The following ADCY2 variants were observed in gnomAD, a reference collection of about 807,000 sequenced individuals.
ADCY2 encodes the protein adenylate cyclase 2, also known as adenylate cyclase type 2.
In ADCY2, 31 loss-of-function variants were observed where a neutral mutation model predicts 125.2. That is an observed-to-expected ratio of 0.25 (90% CI 0.19 to 0.33). ADCY2 has a LOEUF of 0.33. Among genes scored for constraint, ADCY2 ranks in the 10% least tolerant of loss-of-function variants. The pLI is 1.00. For synonymous variants in ADCY2, 512 were observed against 548.4 expected (o/e 0.93, Z 0.93); for missense variants, 904 against 1,418.2 (o/e 0.64, Z 5.82).
At chr5:7,692,683 C>T (rs1276158590) in intron 5 of ADCY2, among the ~76,000 whole-genome samples, 2 of 152,176 alleles carry the variant, frequency 1.3e-5, no homozygotes, top group East Asian at 1.9e-4. Flanking sequence ...TCACGTGTAC[C>T]TGACCCCTTG....
chr5:7,441,069 AG>A (rs1392182908), intron 2 of ADCY2, among the ~76,000 whole-genome samples: 1 of 152,180 alleles, frequency 6.6e-6, no homozygotes, highest in Non-Finnish European at 1.5e-5. Context: ...CAGGGTGTAG[AG>A]GGCAGGACGG....
intron 2 of ADCY2, among the ~76,000 whole-genome samples, chr5:7,517,230 G>C (rs1015274545): frequency 5.9e-5 from 9 of 152,110 alleles, no homozygotes; most frequent in African/African-American, 2.2e-4. Context: ...TGGGGTTTCT[G>C]CAGAGGATCA....
intron 24 of ADCY2, among the ~76,000 whole-genome samples, chr5:7,826,192 T>A (rs191261): frequency 5.3e-5 from 8 of 151,914 alleles, no homozygotes; most frequent in Non-Finnish European, 1.2e-4. Flanking sequence ...GGCAGGAGTC[T>A]ACAGTGCTCA....
At chr5:7,765,362 C>A (rs1324271639) in intron 16 of ADCY2, among the ~76,000 whole-genome samples, 1 of 152,122 alleles carries the variant, frequency 6.6e-6, no homozygotes, top group Non-Finnish European at 1.5e-5. Flanking sequence ...GTTTGCCAAG[C>A]AATTATTCCA....
At chr5:7,402,157 C>A (rs550526258) in intron 1 of ADCY2, among the ~76,000 whole-genome samples, 161 of 152,334 alleles carry the variant, frequency 1.1e-3, no homozygotes, top group African/African-American at 3.5e-3. Context: ...TGAGGGCATT[C>A]AACTCTGACC....
intron 3 of ADCY2, among the ~76,000 whole-genome samples, chr5:7,552,683 T>A (rs1224599448): frequency 6.6e-6 from 1 of 152,162 alleles, no homozygotes; most frequent in Non-Finnish European, 1.5e-5. Context: ...GAAAGAAGGG[T>A]TAAGTAGATT....
At chr5:7,565,214 T>C (rs375098715) in intron 3 of ADCY2, among the ~76,000 whole-genome samples, 2 of 152,200 alleles carry the variant, frequency 1.3e-5, no homozygotes, top group African/African-American at 4.8e-5. Context: ...CTTTTTACTT[T>C]CAGAAGTTAA....
At chr5:7,684,200 G>C (rs734985) in intron 4 of ADCY2, among the ~76,000 whole-genome samples, 75,772 of 152,038 alleles carry the variant, frequency 0.5, 19,360 homozygotes, top group East Asian at 0.83. Context: ...TGCAGGATGA[G>C]ATTCCCCTTT....
intron 18 of ADCY2, among the ~76,000 whole-genome samples, chr5:7,783,595 T>C (rs939021758): frequency 1.3e-5 from 2 of 152,182 alleles, no homozygotes; most frequent in Non-Finnish European, 2.9e-5. Flanking sequence ...TTGTAGTTGA[T>C]CAAATGCCAT....
At chr5:7,775,487 T>C (rs1387718950) in intron 18 of ADCY2, among the ~76,000 whole-genome samples, 1 of 151,952 alleles carries the variant, frequency 6.6e-6, no homozygotes, top group Non-Finnish European at 1.5e-5. Flanking sequence ...ACCTCCCAGG[T>C]TCAAGCAATT....
intron 1 of ADCY2, among the ~76,000 whole-genome samples, chr5:7,413,128 A>G (rs575793084): frequency 3.5e-4 from 53 of 152,174 alleles, no homozygotes; most frequent in South Asian, 1.7e-3. Context: ...CTGTTTCCCC[A>G]TCTCCCTGTG....
chr5:7,722,659 A>G (rs1233989398), intron 12 of ADCY2, among the ~76,000 whole-genome samples: 5 of 152,260 alleles, frequency 3.3e-5, no homozygotes, highest in African/African-American at 1.2e-4. Context: ...CTATGCAGCC[A>G]TAAAAAAGAA....
intron 3 of ADCY2, among the ~76,000 whole-genome samples, chr5:7,580,361 C>CA (rs1736390548): frequency 1.3e-5 from 2 of 151,842 alleles, no homozygotes; most frequent in Admixed American, 6.6e-5. Flanking sequence ...TACAGTGAAC[C>CA]ATAAGACATA....
chr5:7,613,963 G>T (rs913421621), intron 3 of ADCY2, among the ~76,000 whole-genome samples: 17 of 152,230 alleles, frequency 1.1e-4, no homozygotes, highest in Admixed American at 1.1e-3. Flanking sequence ...TTAAAGTTAT[G>T]TGTAGACAGA....
intron 2 of ADCY2, among the ~76,000 whole-genome samples, chr5:7,470,718 AT>A (rs1313482266): frequency 6.6e-6 from 1 of 151,038 alleles, no homozygotes; most frequent in Non-Finnish European, 1.5e-5. Context: ...TATTCCTTCT[AT>A]TGGTAATTAA....
At chr5:7,557,192 G>GATTGATATATATAT (rs1735550560) in intron 3 of ADCY2, among the ~76,000 whole-genome samples, 1 of 80,654 alleles carries the variant, frequency 1.2e-5, no homozygotes, top group African/African-American at 3.5e-5. Context: ...TTATATATGT[G>GATTGATATATATAT]ATATATATAA....
chr5:7,738,258 G>T (rs1742305429), intron 14 of ADCY2, among the ~76,000 whole-genome samples: 1 of 152,078 alleles, frequency 6.6e-6, no homozygotes, highest in Non-Finnish European at 1.5e-5. Context: ...TGTATTTTTT[G>T]AAGTGGCACA....
chr5:7,563,074 GT>G (rs2126590442), intron 3 of ADCY2, among the ~76,000 whole-genome samples: 1 of 152,198 alleles, frequency 6.6e-6, no homozygotes, highest in South Asian at 2.1e-4. Context: ...CAAATTTAGT[GT>G]TTGATCCCAC....
chr5:7,511,710 G>C (rs1478216518), intron 2 of ADCY2, among the ~76,000 whole-genome samples: 1 of 152,126 alleles, frequency 6.6e-6, no homozygotes, highest in Non-Finnish European at 1.5e-5. Context: ...AGCCAGCCAA[G>C]GAAAGATTTG....
Sources: allele counts gnomAD v4.1 joint callset (sites outside exome capture counted in the v4.1 genomes callset), GRCh38; gene constraint gnomAD v4.1.1; transcripts MANE v1.5; gene names NCBI Gene and HGNC (gene_info 2026-07-23, HGNC 2026-07-21).